Variants in CNTN6 observed in about 807,000 individuals in gnomAD.
CNTN6 encodes contactin-6.
A neutral mutation model predicts 122.8 loss-of-function variants in CNTN6; 137 were observed. That is an observed-to-expected ratio of 1.12 (90% CI 0.97 to 1.29). The LOEUF is 1.29. Among genes scored for constraint, CNTN6 ranks in the 50% most tolerant of loss-of-function variants. The pLI is 0.00. For missense variants in CNTN6, 1,634 were observed against 1,223.4 expected, an observed-to-expected ratio of 1.34 and a Z score of -5.01; for synonymous variants, 570 against 426.0, an observed-to-expected ratio of 1.34 and a Z score of -4.16.
chr3:1,110,416 A>T (rs1037831355), intron 1 of CNTN6, among the ~76,000 whole-genome samples: 2 of 152,098 alleles, frequency 1.3e-5, no homozygotes, highest in African/African-American at 4.8e-5. Context: ...TTGACTTAGG[A>T]TTCCATAAAC....
intron 4 of CNTN6, among the ~76,000 whole-genome samples, chr3:1,276,412 T>C (rs1290567012): frequency 2.0e-5 from 3 of 152,216 alleles, no homozygotes; most frequent in African/African-American, 7.2e-5. Flanking sequence ...CCAGGTATGA[T>C]TCAACGATGT....
At chr3:1,119,231 G>C (rs1419874876) in intron 1 of CNTN6, among the ~76,000 whole-genome samples, 1 of 150,714 alleles carries the variant, frequency 6.6e-6, no homozygotes, top group Non-Finnish European at 1.5e-5. Flanking sequence ...GTCATAATAG[G>C]ACTATAATTT....
chr3:1,242,618 A>AAC (rs2094501329), intron 4 of CNTN6, among the ~76,000 whole-genome samples: 2 of 152,144 alleles, frequency 1.3e-5, no homozygotes, highest in Non-Finnish European at 1.5e-5. Flanking sequence ...ATCAGTTGCC[A>AAC]GGGAAGGAGT....
chr3:1,228,482 T>A (rs1226574610), intron 4 of CNTN6, among the ~76,000 whole-genome samples: 1 of 152,162 alleles, frequency 6.6e-6, no homozygotes, highest in Non-Finnish European at 1.5e-5. Flanking sequence ...TGTAACAATG[T>A]CCAGCTGCAT....
intron 2 of CNTN6, among the ~76,000 whole-genome samples, chr3:1,210,251 T>G (rs2094016001): frequency 6.6e-6 from 1 of 152,090 alleles, no homozygotes; most frequent in Non-Finnish European, 1.5e-5. Flanking sequence ...GTTTTATTTT[T>G]TTTCTGTAAA....
chr3:1,218,990 A>G lies in CNTN6; in HGVS notation c.56-1697A>G, dbSNP rs543475615. On this transcript the variant is annotated intron_variant, in intron 2 of 22. Coordinates refer to ENST00000446702, the MANE Select transcript of CNTN6 (RefSeq NM_001289080.2). ...GAAGAATTCAAAGAAGGGTAAGGAC[A>G]TGCCAAAGGCAAGCCATTTGAAAGC... Among the ~76,000 whole-genome samples, 3 of 109,270 alleles carry G rather than the reference A, an allele frequency of 2.7e-5. No homozygotes were observed. The East Asian group carries it at 8.5e-4, about 31-fold the overall frequency. 71.7% of individuals were successfully genotyped at this position (109,270 alleles called of 152,430 possible). A position where few individuals can be genotyped will look rare whatever the true frequency, so the allele number is the denominator to read the frequency against.
intron 5 of CNTN6, among the ~76,000 whole-genome samples, chr3:1,288,766 T>C (rs1461408346): frequency 2.6e-5 from 4 of 152,240 alleles, no homozygotes; most frequent in Admixed American, 2.6e-4. Context: ...CATATATCTT[T>C]CTTGTTTGTA....
chr3:1,212,358 C>G (rs2094053796), intron 2 of CNTN6, among the ~76,000 whole-genome samples: 1 of 150,752 alleles, frequency 6.6e-6, no homozygotes, highest in African/African-American at 2.4e-5. Flanking sequence ...GCCACCATGC[C>G]CAGCCTCTCT....
intron 16 of CNTN6, 56 bp from the exon 17 acceptor site, chr3:1,376,949 C>A: frequency 8.4e-7 from 1 of 1,186,558 alleles, no homozygotes; most frequent in Non-Finnish European, 1.2e-6. Context: ...AAAATTCTTC[C>A]TGATGAAGAC....
rs57262538 is a variant in CNTN6 at position 1,345,076 on chromosome 3, G to A, written c.1365-7248G>A. ...AAATCTTTGAATTTTGCCTGGACAG[G>A]GGTATCAGATGTTCTCTGTGTTTAA... On this transcript the variant is annotated intron_variant, in intron 11 of 22. Transcript: ENST00000446702. Among the ~76,000 whole-genome samples, 224 of 151,852 alleles carry A rather than the reference G, an allele frequency of 1.5e-3. 1 individual carries two copies. The highest frequency in any genetic ancestry group is 4.7e-3 in the African/African-American group (194 of 41,416).
chr3:1,324,109 A>C (rs577263539), intron 8 of CNTN6, among the ~76,000 whole-genome samples: 1 of 149,650 alleles, frequency 6.7e-6, no homozygotes, highest in East Asian at 2.0e-4. Flanking sequence ...AGTTCTTCTA[A>C]GTTTTGCCTT....
intron 1 of CNTN6, among the ~76,000 whole-genome samples, chr3:1,110,931 C>T (rs2091453253): frequency 6.6e-6 from 1 of 152,158 alleles, no homozygotes; most frequent in Non-Finnish European, 1.5e-5. Context: ...GAGCCAGGCA[C>T]ACCTGGATTT....
chr3:1,316,797 C>T (rs762548203), intron 7 of CNTN6, among the ~76,000 whole-genome samples: 3 of 151,848 alleles, frequency 2.0e-5, no homozygotes, highest in African/African-American at 7.2e-5. Flanking sequence ...TTAAAGCTCG[C>T]TACTAAAATA....
chr3:1,323,406 G>A (rs1007212672), intron 8 of CNTN6, among the ~76,000 whole-genome samples: 1 of 151,680 alleles, frequency 6.6e-6, no homozygotes, highest in Non-Finnish European at 1.5e-5. Context: ...CATTTAATTA[G>A]CCTGAAATGG....
chr3:1,372,818 T>G lies in CNTN6; in HGVS notation c.1669-20T>G, dbSNP rs1709248102. On this transcript the variant is annotated intron_variant, in intron 13 of 22. Coordinates refer to ENST00000446702, the MANE Select transcript of CNTN6 (RefSeq NM_001289080.2). ...TATATGGGCTTACGTTTTTATCCAT[T>G]TCTCCCTTTCTGTCTGCAGGAATCT... The G allele has an allele frequency of 6.9e-7, 1 of 1,447,958 alleles. No homozygotes were observed. Among genetic ancestry groups the G allele is most frequent in the African/African-American group, 1.4e-5 (1 of 70,878 alleles). 89.7% of individuals were successfully genotyped at this position (1,447,958 alleles called of 1,614,324 possible).
intron 4 of CNTN6, among the ~76,000 whole-genome samples, chr3:1,276,439 AGATT>A (rs980874073): frequency 2.0e-5 from 3 of 152,222 alleles, no homozygotes; most frequent in African/African-American, 7.2e-5. Flanking sequence ...CTGTATTATT[AGATT>A]ATTTCCAATC....
chr3:1,118,876 CA>C (rs2091836561), intron 1 of CNTN6, among the ~76,000 whole-genome samples: 1 of 151,602 alleles, frequency 6.6e-6, no homozygotes, highest in Non-Finnish European at 1.5e-5. Context: ...AAAAAACAAA[CA>C]AAACAAAACA....
intron 11 of CNTN6, among the ~76,000 whole-genome samples, chr3:1,337,909 T>A (rs180767261): frequency 1.3e-5 from 2 of 152,036 alleles, no homozygotes; most frequent in Non-Finnish European, 2.9e-5. Flanking sequence ...TTCCCCTTTC[T>A]TTATCCCCAC....
chr3:1,339,105 CT>C (rs1268895825), intron 11 of CNTN6, among the ~76,000 whole-genome samples: 2 of 151,652 alleles, frequency 1.3e-5, no homozygotes, highest in Admixed American at 1.3e-4. Context: ...TCAATTTTTT[CT>C]TTTTTTCATA....
Sources: gnomAD v4.1 joint callset for allele counts (sites outside exome capture counted in the v4.1 genomes callset) on GRCh38, gnomAD v4.1.1 for gene constraint, MANE v1.5 for transcripts, NCBI Gene and HGNC (gene_info 2026-07-23, HGNC 2026-07-21) for gene names.